Variants in NOP14 observed in about 807,000 individuals in gnomAD.
The protein encoded by NOP14 is NOP14 nucleolar protein, also known as nucleolar protein 14.
NOP14 carries 57 observed loss-of-function variants against 101.6 expected under a neutral mutation model. That is an observed-to-expected ratio of 0.56 (90% CI 0.45 to 0.70). The LOEUF (loss-of-function observed/expected upper bound fraction) is 0.70. Among genes scored for constraint, NOP14 ranks in the 30% least tolerant of loss-of-function variants. The probability of loss-of-function intolerance (pLI) is 0.00; values close to 1 mark genes in which losing one functional copy is unlikely to be tolerated. For missense variants in NOP14, 1,134 were observed against 1,075.5 expected (o/e 1.05, Z -0.76); for synonymous variants, 428 against 424.0 (o/e 1.01, Z -0.12).
intron 1 of NOP14, 136 bp downstream of exon 1, chr4:2,962,989 T>C (rs1459911371): frequency 4.6e-6 from 4 of 861,116 alleles, no homozygotes; most frequent in Admixed American, 7.7e-5. Flanking sequence ...TTTCGGACTA[T>C]CAAGTCAGTG....
rs749683927 is a variant in NOP14 at position 2,952,373 on chromosome 4, G to A, written c.772C>T (p.Arg258Cys). Reference protein sequence around the residue: ...PKPDAYDMMVRELGFEMKAQP... With the variant: ...PKPDAYDMMVCELGFEMKAQP... ...GCCTTCATTTCAAAGCCAAGCTCGC[G>A]AACCATCATGTCATATGCATCGGGC... is the stretch of plus-strand genomic sequence containing the variant. Residue 258 changes from arginine to cysteine, a missense_variant, in exon 6 of 18, where the codon CGC (arginine) becomes TGC (cysteine). By Grantham distance (180) the Arg-to-Cys change is radical (BLOSUM62 -3). Transcript: ENST00000416614. The A allele has an allele frequency of 2.1e-5, 34 of 1,612,634 alleles. No homozygotes were observed. Among genetic ancestry groups the A allele is most frequent in the African/African-American group, 1.5e-4 (11 of 74,872 alleles).
intron 1 of NOP14, among the ~76,000 whole-genome samples, chr4:2,959,329 A>T (rs1049216993): frequency 9.2e-5 from 14 of 152,200 alleles, no homozygotes; most frequent in African/African-American, 3.4e-4. Context: ...GCGGTGGCTC[A>T]CGCCTGTAAT....
chr4:2,938,637 T>C lies in NOP14; in HGVS notation c.*194A>G, dbSNP rs566394158. On this transcript the variant is annotated 3_prime_UTR_variant, in exon 18 of 18. Coordinates refer to ENST00000416614, the MANE Select transcript of NOP14 (RefSeq NM_001291978.2). ...CCTCCTGCTTCAGCCTCCCGAGTAG[T>C]TGGGACTACAGGTGCGTGCCACCAC... 89 of 572,058 alleles carry C rather than the reference T, an allele frequency of 1.6e-4. No homozygotes were observed. The highest frequency in any genetic ancestry group is 4.0e-4 in the Admixed American group (13 of 32,220). 35.4% of individuals were successfully genotyped at this position (572,058 alleles called of 1,614,324 possible). A position where few individuals can be genotyped will look rare whatever the true frequency, so the allele number is the denominator to read the frequency against.
chr4:2,954,659 C>G, intron 3 of NOP14, 96 bp from the exon 4 acceptor site: 1 of 1,435,364 alleles, frequency 7.0e-7, no homozygotes, highest in Non-Finnish European at 9.3e-7. Flanking sequence ...CCATAGTGGT[C>G]TGGAAAAGTC....
chr4:2,947,875 C>T (rs867329023), intron 9 of NOP14, among the ~76,000 whole-genome samples: 61 of 152,368 alleles, frequency 4.0e-4, no homozygotes, highest in Middle Eastern at 3.4e-3. Flanking sequence ...TAGGAAAGCA[C>T]GACGAGGAAC....
At position 2,952,363 on chromosome 4, in the gene NOP14, C is replaced by G. The variant is rs566869814; in HGVS notation, c.782G>C (p.Gly261Ala). 1 of 1,613,196 alleles carries G rather than the reference C, an allele frequency of 6.2e-7. No individual in the cohort carries two copies. The highest frequency in any genetic ancestry group is 2.2e-5 in the East Asian group (1 of 44,836). ...AGAGGGCTGCGCCTTCATTTCAAAGCCAAGCTCGCGAACCATCATGTCATA... is the reference window on the plus strand; with the variant it reads ...AGAGGGCTGCGCCTTCATTTCAAAGGCAAGCTCGCGAACCATCATGTCATA... ...DAYDMMVREL[G>A]FEMKAQPSNR... is the part of the protein sequence containing the mutation. Residue 261 changes from glycine (G) to alanine (A), a missense_variant, in exon 6 of 18, where the codon GGC becomes GCC. Physicochemically the swap from Gly to Ala is moderately conservative, Grantham distance 60. Transcript: ENST00000416614.
intron 1 of NOP14, among the ~76,000 whole-genome samples, chr4:2,962,891 T>C (rs184106725): frequency 1.6e-4 from 24 of 151,964 alleles, no homozygotes; most frequent in Non-Finnish European, 2.8e-4. Flanking sequence ...CCTGACCCGG[T>C]TGGAGGAGTC....
In NOP14 at chr4:2,945,179, CCAGAAGT is replaced by C; in HGVS notation, c.1679_1685del (p.Asp560GlyfsTer5). The C allele has an allele frequency of 9.4e-6, 15 of 1,590,954 alleles. No homozygotes were observed. Among genetic ancestry groups the C allele is most frequent in the Non-Finnish European group, 1.2e-5 (14 of 1,168,458 alleles). ...CGAGGGCAGGGGTCACCACTGGGTG[CCAGAAGT>C]CGGAAGTTGGAAATAGCAGCCCAGT... is the stretch of plus-strand genomic sequence containing the variant. On this transcript the variant is annotated frameshift_variant, in exon 12 of 18. Transcript: ENST00000416614. LOFTEE classifies it high-confidence loss of function.
At chr4:2,955,210 GCC>G (rs1247473729) in intron 3 of NOP14, among the ~76,000 whole-genome samples, 3 of 54,524 alleles carry the variant, frequency 5.5e-5, no homozygotes, top group South Asian at 5.9e-4. Context: ...GGACCACGGC[GCC>G]CCCTCTAGTC....
At chr4:2,949,000 A>G (rs927538509) in intron 8 of NOP14, among the ~76,000 whole-genome samples, 51 of 152,096 alleles carry the variant, frequency 3.4e-4, no homozygotes, top group Admixed American at 1.4e-3. Context: ...GTTTCAGAGC[A>G]TCTTGGTGGC....
intron 2 of NOP14, 33 bp from the exon 3 acceptor site, chr4:2,956,844 A>G: frequency 6.4e-6 from 10 of 1,553,218 alleles, no homozygotes; most frequent in Non-Finnish European, 8.6e-6. Flanking sequence ...TCCTAAAATT[A>G]CCACTTCCAT....
Position 2,938,543 on chromosome 4 carries a change from CTG to C in NOP14, c.*286_*287del. ...TTTTTTTAAGCGACACAGTCTTGCACTGTGGCCGAGGCTGGAGTGCAGTGGCT... is the reference window on the plus strand; with the variant it reads ...TTTTTTTAAGCGACACAGTCTTGCACTGGCCGAGGCTGGAGTGCAGTGGCT... On this transcript the variant is annotated 3_prime_UTR_variant, in exon 18 of 18. Transcript: ENST00000416614. 2.2e-6 allele frequency: 1 copy of C among 449,928 alleles called. No individual in the cohort carries two copies. Among genetic ancestry groups the C allele is most frequent in the Non-Finnish European group, 4.0e-6 (1 of 247,428 alleles). The allele number at this position is 449,928 out of a possible 1,614,324, so 27.9% of individuals were successfully genotyped here.
chr4:2,963,391 G>A lies in NOP14; in HGVS notation c.-72C>T. On this transcript the variant is annotated 5_prime_UTR_variant, in exon 1 of 18. Transcript: ENST00000416614. ...AGGCGCGCGCTACCCTAAGACACGT[G>A]CCGGGCCGCGGAACCGCTTCCTCGT... 1 of 1,407,180 alleles carries A rather than the reference G, an allele frequency of 7.1e-7. No individual in the cohort carries two copies. Among genetic ancestry groups the A allele is most frequent in the South Asian group, 1.4e-5 (1 of 70,466 alleles). The allele number at this position is 1,407,180 out of a possible 1,614,324, so 87.2% of individuals were successfully genotyped here.
In NOP14 at chr4:2,939,540, G is replaced by A. The variant is rs538523342; in HGVS notation, c.2305C>T (p.Arg769Trp). 8.6e-5 allele frequency: 139 copies of A among 1,613,638 alleles called. No individual in the cohort carries two copies. The highest frequency in any genetic ancestry group is 4.9e-4 in the South Asian group (45 of 91,082). ...GCCAGCACCCACACTTTGACCAGCC[G>A]GGGTGTGAAAAGCTTCAGTGGGACA... ...KPVPLKLFTP[R>W]LVKVLEFGRK... Residue 769 changes from arginine to tryptophan, a missense_variant, in exon 16 of 18, where the codon CGG becomes TGG. By Grantham distance (101) the Arg-to-Trp change is moderately radical. Coordinates refer to ENST00000416614, the MANE Select transcript of NOP14 (RefSeq NM_001291978.2).
intron 4 of NOP14, 75 bp from the exon 5 acceptor site, chr4:2,953,720 C>T (rs1715171717): frequency 3.9e-6 from 6 of 1,548,994 alleles, no homozygotes; most frequent in Non-Finnish European, 5.3e-6. Context: ...ATGTCAGTGC[C>T]AAGGACACAC....
At position 2,963,271 on chromosome 4, in the gene NOP14, G is replaced by A; in HGVS notation, c.49C>T (p.Pro17Ser). The change falls in exon 1 of 18, where the codon CCG becomes TCG. Residue 17 changes from proline (P) to serine (S), a missense_variant. Physicochemically the swap from Pro to Ser is moderately conservative, Grantham distance 74. Transcript: ENST00000416614. ...VGARRKASGAPAGARGGPAKA... is the reference protein window; with the variant it reads ...VGARRKASGASAGARGGPAKA... ...GCCGGGCCCCCTCGCGCTCCCGCCG[G>A]CGCCCCGGAGGCCTTCCTTCGCGCC... The A allele has an allele frequency of 6.3e-7, 1 of 1,591,144 alleles. No homozygotes were observed. Among genetic ancestry groups the A allele is most frequent in the Non-Finnish European group, 8.5e-7 (1 of 1,171,296 alleles).
At position 2,952,299 on chromosome 4, in the gene NOP14, C is replaced by G. The variant is rs759665406; in HGVS notation, c.846G>C (p.Glu282Asp). 1 of 1,613,840 alleles carries G rather than the reference C, an allele frequency of 6.2e-7. No individual in the cohort carries two copies. Reference sequence around the variant, plus strand: ...CCTCCAGCTTCCTGAGGTGCTCCTGCTCTTCCTTTGCCAATTCTGCCTCCG... The same window carrying G: ...CCTCCAGCTTCCTGAGGTGCTCCTGGTCTTCCTTTGCCAATTCTGCCTCCG... ...MKTEAELAKEEQEHLRKLEAE... is the reference protein window; with the variant it reads ...MKTEAELAKEDQEHLRKLEAE... Residue 282 changes from glutamate (E) to aspartate (D), a missense_variant, in exon 6 of 18, where the codon GAG (glutamate) becomes GAC (aspartate). Glu to Asp is a conservative substitution (Grantham distance 45). Transcript: ENST00000416614.
chr4:2,959,057 C>T (rs1715531312), intron 1 of NOP14, among the ~76,000 whole-genome samples: 1 of 152,292 alleles, frequency 6.6e-6, no homozygotes, highest in East Asian at 1.9e-4. Context: ...AACCATTTCT[C>T]TTATCTCACT....
At chr4:2,945,596 G>GT (rs1176785505) in intron 11 of NOP14, among the ~76,000 whole-genome samples, 5 of 152,176 alleles carry the variant, frequency 3.3e-5, no homozygotes, top group Admixed American at 3.3e-4. Flanking sequence ...AATAAAGAGC[G>GT]TATCTCAGCA....
Sources: gnomAD v4.1 joint callset for allele counts (sites outside exome capture counted in the v4.1 genomes callset) on GRCh38, gnomAD v4.1.1 for gene constraint, MANE v1.5 for transcripts, NCBI Gene and HGNC (gene_info 2026-07-23, HGNC 2026-07-21) for gene names.